SLC35F5: variants seen among roughly 807,000 people sequenced by gnomAD.
SLC35F5 encodes the protein solute carrier family 35 member F5.
Under a neutral mutation model 68.6 loss-of-function variants are expected in SLC35F5, and 54 were observed. The ratio of observed to expected loss-of-function variants is 0.79; its 90% CI spans 0.63 to 0.99. The LOEUF (loss-of-function observed/expected upper bound fraction) is 0.99, where lower values mean the gene tolerates loss of function less well. SLC35F5 is among the 50% of genes least tolerant of loss of function. The probability of loss-of-function intolerance (pLI) is 0.00; values close to 1 mark genes in which losing one functional copy is unlikely to be tolerated. For synonymous variants in SLC35F5, 211 were observed against 205.2 expected (o/e 1.03, Z -0.24); for missense variants, 567 against 626.9 (o/e 0.90, Z 1.02).
chr2:113,745,453 C>G (rs534777717), intron 5 of SLC35F5, among the ~76,000 whole-genome samples: 1 of 152,140 alleles, frequency 6.6e-6, no homozygotes, highest in East Asian at 1.9e-4. Flanking sequence ...GGAAAGAAAA[C>G]AAGTATCATT....
chr2:113,745,682 T>C (rs1458199248), intron 5 of SLC35F5, among the ~76,000 whole-genome samples: 1 of 151,756 alleles, frequency 6.6e-6, no homozygotes, highest in Non-Finnish European at 1.5e-5. Context: ...AAAAGAAATC[T>C]AAAAATAAAA....
At chr2:113,756,290 G>C (rs548614098) in intron 1 of SLC35F5, 80 bp downstream of exon 1, 3 of 1,546,414 alleles carry the variant, frequency 1.9e-6, no homozygotes, top group Non-Finnish European at 2.6e-6. Flanking sequence ...TGCCACCGAG[G>C]GCAGGAGGTG....
At chr2:113,734,534 G>A in intron 9 of SLC35F5, 52 bp downstream of exon 9, 1 of 1,032,428 alleles carries the variant, frequency 9.7e-7, no homozygotes, top group African/African-American at 1.6e-5. Context: ...ATCAGAAATT[G>A]TAATATTGTA....
Position 113,708,705 on chromosome 2 carries a change from C to CA in SLC35F5, c.*6512dup, listed in dbSNP as rs200759699. On this transcript the variant is annotated 3_prime_UTR_variant, in exon 16 of 16. Coordinates refer to ENST00000245680, the MANE Select transcript of SLC35F5 (RefSeq NM_025181.5). ...TGGGCAATGGAGTGAGACTCTGTCT[C>CA]AAAAAAAATAAAAAATAAAAAATAA... Among the ~76,000 whole-genome samples the CA allele has an allele frequency of 0.017, 2,527 of 150,294 alleles. 61 individuals are homozygous for CA. Among genetic ancestry groups the CA allele is most frequent in the African/African-American group, 0.056 (2,271 of 40,792 alleles).
At chr2:113,728,780 A>G (rs76603659) in intron 11 of SLC35F5, among the ~76,000 whole-genome samples, 6,116 of 152,286 alleles carry the variant, frequency 0.04, 200 homozygotes, top group Non-Finnish European at 0.06. Context: ...TATCTTGTCA[A>G]TGTGTTCTTC....
chr2:113,718,927 A>G (rs540967785), intron 14 of SLC35F5, among the ~76,000 whole-genome samples: 541 of 44,502 alleles, frequency 0.012, 11 homozygotes, highest in African/African-American at 0.033. Flanking sequence ...GAAAGAAAGA[A>G]AAAGAAAGGA....
chr2:113,748,965 A>G (rs1676629267), intron 4 of SLC35F5, among the ~76,000 whole-genome samples: 1 of 152,082 alleles, frequency 6.6e-6, no homozygotes, highest in Admixed American at 6.6e-5. Context: ...CACCATGCCC[A>G]GTTAATTTTT....
At chr2:113,751,826 A>G (rs1379031171) in intron 3 of SLC35F5, among the ~76,000 whole-genome samples, 5 of 152,152 alleles carry the variant, frequency 3.3e-5, no homozygotes, top group Non-Finnish European at 7.3e-5. Flanking sequence ...AAAAGAAACA[A>G]TGGCTCCTAT....
At chr2:113,730,557 A>G (rs926426169) in intron 10 of SLC35F5, among the ~76,000 whole-genome samples, 4 of 152,218 alleles carry the variant, frequency 2.6e-5, no homozygotes, top group African/African-American at 4.8e-5. Context: ...GTTCTATTCA[A>G]TAAACCTCAA....
At chr2:113,756,280 T>C in intron 1 of SLC35F5, 90 bp downstream of exon 1, 9 of 1,544,754 alleles carry the variant, frequency 5.8e-6, no homozygotes, top group Non-Finnish European at 7.8e-6. Context: ...GCGCTCCTGC[T>C]GCCACCGAGG....
chr2:113,718,914 AAAGAAAGAAAGAAAAAGAAAGG>A (rs1424559792), intron 14 of SLC35F5, among the ~76,000 whole-genome samples: 5 of 55,616 alleles, frequency 9.0e-5, no homozygotes, highest in East Asian at 3.2e-4. Context: ...AGAAAGAAAG[AAAGAAAGAAAGAAAAAGAAAGG>A]AAGAAAGGAA....
intron 13 of SLC35F5, 149 bp downstream of exon 13, chr2:113,722,955 A>G (rs958232703): frequency 2.2e-6 from 1 of 463,928 alleles, no homozygotes; most frequent in African/African-American, 2.0e-5. Flanking sequence ...GGTACTTTCT[A>G]TATTTCTATG....
chr2:113,725,283 C>A, intron 12 of SLC35F5, 95 bp downstream of exon 12: 1 of 1,146,352 alleles, frequency 8.7e-7, no homozygotes, highest in South Asian at 1.4e-5. Context: ...GAATGGGGTG[C>A]ACAGGAAGGG....
chr2:113,729,559 G>A (rs1423175005), intron 10 of SLC35F5, 54 bp from the exon 11 acceptor site: 22 of 912,536 alleles, frequency 2.4e-5, no homozygotes, highest in South Asian at 1.3e-4. Flanking sequence ...TTCAATATAC[G>A]CTTAAAATCC....
rs1297933036 is a variant in SLC35F5 at position 113,712,397 on chromosome 2, G to A, written c.*2821C>T. 2.0e-5 allele frequency among the ~76,000 whole-genome samples: 3 copies of A among 152,086 alleles called. No homozygotes were observed. The highest frequency in any genetic ancestry group is 4.4e-5 in the Non-Finnish European group (3 of 68,004). On this transcript the variant is annotated 3_prime_UTR_variant, in exon 16 of 16. Coordinates refer to ENST00000245680, the MANE Select transcript of SLC35F5 (RefSeq NM_025181.5). ...AGGGGCACGATCTCGGCTCACTGCA[G>A]GCTCCGCCTCCCGGGTTCACGCCAT...
chr2:113,734,562 C>G (rs1163299003), intron 9 of SLC35F5, 24 bp downstream of exon 9: 1 of 1,314,908 alleles, frequency 7.6e-7, no homozygotes. Flanking sequence ...GCAGAGCAAA[C>G]TAGCTATCAC....
At chr2:113,729,562 T>G (rs1410629396) in intron 10 of SLC35F5, 57 bp from the exon 11 acceptor site, 1 of 857,238 alleles carries the variant, frequency 1.2e-6, no homozygotes, top group Non-Finnish European at 1.9e-6. Flanking sequence ...AATATACGCT[T>G]AAAATCCAAT....
intron 14 of SLC35F5, among the ~76,000 whole-genome samples, chr2:113,718,180 C>T (rs1287589190): frequency 2.0e-5 from 3 of 152,054 alleles, no homozygotes; most frequent in Non-Finnish European, 4.4e-5. Flanking sequence ...AATTCCTGGG[C>T]TCAAGTGATC....
chr2:113,756,371 T>G lies in SLC35F5; in HGVS notation c.39A>C (p.Pro13=). 6.4e-7 allele frequency: 1 copy of G among 1,571,476 alleles called. No individual in the cohort carries two copies. Among genetic ancestry groups the G allele is most frequent in the South Asian group, 1.2e-5 (1 of 85,662 alleles). ...CGGGGCCCTTCCCTGCCTGCCTACC[T>G]GGCCTTCCTGCCCCGCGATGGCGTC... The part of the protein sequence containing the change: ...PPRRHRGAGR[P]GVLSSSPPFR... Residue 13 remains proline (P), a splice_region_variant and synonymous_variant, in exon 1 of 16, where the codon CCA becomes CCC. Transcript: ENST00000245680.
Sources: gnomAD v4.1 joint callset for allele counts (sites outside exome capture counted in the v4.1 genomes callset) on GRCh38, gnomAD v4.1.1 for gene constraint, MANE v1.5 for transcripts, NCBI Gene and HGNC (gene_info 2026-07-23, HGNC 2026-07-21) for gene names.